UFM1: variants seen among roughly 807,000 people sequenced by gnomAD.
UFM1 encodes ubiquitin-fold modifier 1.
In UFM1, 9 loss-of-function variants were observed where a neutral mutation model predicts 15.4. The observed-to-expected ratio is 0.59, with a 90% CI of 0.35 to 1.02. The LOEUF is 1.02. Among genes scored for constraint, UFM1 ranks in the 50% least tolerant of loss-of-function variants. The probability of loss-of-function intolerance (pLI) is 0.02; values close to 1 mark genes in which losing one functional copy is unlikely to be tolerated. For synonymous variants in UFM1, 27 were observed against 36.3 expected (o/e 0.74, Z 0.92); for missense variants, 98 against 104.7 (o/e 0.94, Z 0.28).
At chr13:38,359,184 T>G (rs1356822890) in intron 4 of UFM1, 117 bp from the exon 5 acceptor site, 9 of 727,342 alleles carry the variant, frequency 1.2e-5, no homozygotes, top group Non-Finnish European at 2.0e-5. Context: ...GGATTTAAAG[T>G]GTTTGGCTTA....
intron 3 of UFM1, chr13:38,354,626 T>A (rs1879014073): frequency 5.4e-6 from 1 of 186,272 alleles, no homozygotes; most frequent in African/African-American, 2.3e-5. Context: ...TATATACTCA[T>A]ATTTTACTAG....
intron 2 of UFM1, chr13:38,350,259 C>T (rs1422271581): frequency 1.3e-6 from 2 of 1,577,302 alleles, no homozygotes; most frequent in East Asian, 2.3e-5. Flanking sequence ...GTCAGCTTGG[C>T]AGCTTGGCCC....
Position 38,360,784 on chromosome 13 carries a change from G to A in UFM1, c.*6G>A. On this transcript the variant is annotated 3_prime_UTR_variant, in exon 6 of 6. Transcript: ENST00000239878. ...ATCGTGTTGGAAGTTGTTAATATCTGCTACTTGGAACATACGATTGCCTTT... is the reference window on the plus strand; with the variant it reads ...ATCGTGTTGGAAGTTGTTAATATCTACTACTTGGAACATACGATTGCCTTT... The A allele has an allele frequency of 3.1e-6, 5 of 1,602,772 alleles. No homozygotes were observed. Among genetic ancestry groups the A allele is most frequent in the Non-Finnish European group, 4.3e-6 (5 of 1,173,034 alleles).
intron 5 of UFM1, chr13:38,360,125 A>G (rs1879303694): frequency 3.1e-6 from 1 of 320,794 alleles, no homozygotes; most frequent in African/African-American, 2.3e-5. Context: ...GTTAATATAT[A>G]ATTTTATTAA....
At chr13:38,359,474 CTG>C in intron 5 of UFM1, 141 bp downstream of exon 5, 1 of 800,454 alleles carries the variant, frequency 1.2e-6, no homozygotes, top group Admixed American at 2.4e-5. Context: ...CAGTCTTTAC[CTG>C]TGTGTCTGAG....
intron 3 of UFM1, among the ~76,000 whole-genome samples, chr13:38,355,137 A>C (rs899742389): frequency 6.6e-6 from 1 of 152,034 alleles, no homozygotes; most frequent in South Asian, 2.1e-4. Flanking sequence ...AGTCACAGAA[A>C]AATAATTTTC....
At chr13:38,351,183 T>C (rs533922635) in intron 2 of UFM1, among the ~76,000 whole-genome samples, 1 of 152,314 alleles carries the variant, frequency 6.6e-6, no homozygotes, top group South Asian at 2.1e-4. Context: ...CCCTCAACTC[T>C]GGTGGCCCTG....
At chr13:38,350,569 T>C (rs542456782) in intron 2 of UFM1, among the ~76,000 whole-genome samples, 1 of 152,328 alleles carries the variant, frequency 6.6e-6, no homozygotes, top group African/African-American at 2.4e-5. Context: ...CACAAAGTAA[T>C]GAGACTCAGA....
intron 2 of UFM1, among the ~76,000 whole-genome samples, chr13:38,353,968 G>T (rs1471384414): frequency 6.6e-6 from 1 of 152,004 alleles, no homozygotes; most frequent in South Asian, 2.1e-4. Context: ...ATGTATGAAA[G>T]TGTTAGAAAT....
In UFM1 at chr13:38,352,084, GT is replaced by G. The variant is rs1271330358; in HGVS notation, c.59+2038del. The stretch of plus-strand genomic sequence containing the variant: ...TAAAAATCTCACCTCTATGAAGTTT[GT>G]TTTTTTTTCTTTCTTTCTTTTTTTT... On this transcript the variant is annotated intron_variant, in intron 2 of 5. Coordinates refer to ENST00000239878, the MANE Select transcript of UFM1 (RefSeq NM_016617.4). 6.4e-4 allele frequency among the ~76,000 whole-genome samples: 88 copies of G among 137,366 alleles called. 1 individual carries two copies. In the East Asian group the frequency reaches 0.019, roughly 30 times the overall value. The allele number at this position is 137,366 out of a possible 152,430, so 90.1% of individuals were successfully genotyped here.
intron 5 of UFM1, 43 bp downstream of exon 5, chr13:38,359,376 A>G (rs1009780070): frequency 1.9e-6 from 3 of 1,594,794 alleles, no homozygotes; most frequent in Non-Finnish European, 2.6e-6. Flanking sequence ...GGGGTTATAT[A>G]TGTCAATTGA....
At chr13:38,359,196 G>A in intron 4 of UFM1, 105 bp from the exon 5 acceptor site, 1 of 903,026 alleles carries the variant, frequency 1.1e-6, no homozygotes, top group Non-Finnish European at 1.7e-6. Flanking sequence ...TTTGGCTTAT[G>A]TCTATATACA....
chr13:38,354,102 T>C (rs1404360515), intron 2 of UFM1, 137 bp from the exon 3 acceptor site: 1 of 639,222 alleles, frequency 1.6e-6, no homozygotes, highest in Non-Finnish European at 2.7e-6. Flanking sequence ...GAATGTAGTA[T>C]GCAATCAAAA....
chr13:38,355,167 A>G (rs1302243021), intron 3 of UFM1, among the ~76,000 whole-genome samples: 3 of 152,070 alleles, frequency 2.0e-5, no homozygotes, highest in South Asian at 4.1e-4. Flanking sequence ...TTAATAAAAA[A>G]TAGCTTAACA....
At chr13:38,359,061 C>G (rs1279988559) in intron 4 of UFM1, among the ~76,000 whole-genome samples, 1 of 151,946 alleles carries the variant, frequency 6.6e-6, no homozygotes, top group African/African-American at 2.4e-5. Flanking sequence ...ATAGAACTTA[C>G]CAGGATCATT....
At chr13:38,354,948 A>G (rs1879031408) in intron 3 of UFM1, 1 of 151,906 alleles carries the variant, frequency 6.6e-6, no homozygotes, top group South Asian at 2.1e-4. Context: ...ACATGATGCA[A>G]ATCCCTCTTT....
At position 38,349,988 on chromosome 13, in the gene UFM1, CT is replaced by C; in HGVS notation, c.3-7del. 6.2e-7 allele frequency: 1 copy of C among 1,614,118 alleles called. No individual in the cohort carries two copies. Among genetic ancestry groups the C allele is most frequent in the Non-Finnish European group, 8.5e-7 (1 of 1,179,900 alleles). On this transcript the variant is annotated splice_polypyrimidine_tract_variant and intron_variant, in intron 1 of 5. Transcript: ENST00000239878. Reference sequence around the variant, plus strand: ...TGCCCGACCCTGACTCTCTCCCGCTCTTTTCCTCAGGTCGAAGGTTTCCTTT... The same window carrying C: ...TGCCCGACCCTGACTCTCTCCCGCTCTTTCCTCAGGTCGAAGGTTTCCTTT...
intron 3 of UFM1, among the ~76,000 whole-genome samples, chr13:38,355,780 A>G (rs1359802059): frequency 1.3e-5 from 2 of 151,938 alleles, no homozygotes; most frequent in East Asian, 3.9e-4. Context: ...TTACATATTT[A>G]GAAAGGATAT....
chr13:38,350,106 G>A (rs373667763), intron 2 of UFM1, 51 bp downstream of exon 2: 13 of 1,614,084 alleles, frequency 8.1e-6, no homozygotes, highest in East Asian at 6.7e-5. Context: ...AGACGGGGCT[G>A]GGTTGGGGAT....
Sources: allele counts gnomAD v4.1 joint callset (sites outside exome capture counted in the v4.1 genomes callset), GRCh38; gene constraint gnomAD v4.1.1; transcripts MANE v1.5; gene names NCBI Gene and HGNC (gene_info 2026-07-23, HGNC 2026-07-21).